CCT8: variants seen among roughly 807,000 people sequenced by gnomAD.
CCT8 encodes the protein T-complex protein 1 subunit theta.
CCT8 carries 10 observed loss-of-function variants against 65.7 expected under a neutral mutation model. The ratio of observed to expected loss-of-function variants is 0.15; its 90% CI spans 0.09 to 0.26. The LOEUF (loss-of-function observed/expected upper bound fraction) is 0.26, where lower values mean the gene tolerates loss of function less well. Ranked by LOEUF, CCT8 falls within the 10% of genes least tolerant of loss-of-function variation. The pLI is 1.00. For synonymous variants in CCT8, 199 were observed against 221.8 expected, an observed-to-expected ratio of 0.90 and a Z score of 0.92; for missense variants, 568 against 669.1, an observed-to-expected ratio of 0.85 and a Z score of 1.67.
chr21:29,073,265 G>A lies in CCT8; in HGVS notation c.60+266C>T, dbSNP rs1236435422. The A allele has an allele frequency of 7.5e-6, 10 of 1,334,888 alleles. No individual in the cohort carries two copies. The South Asian group carries it at 1.4e-4, about 19-fold the overall frequency. 82.7% of individuals were successfully genotyped at this position (1,334,888 alleles called of 1,614,324 possible). A position where few individuals can be genotyped will look rare whatever the true frequency, so the allele number is the denominator to read the frequency against. On this transcript the variant is annotated intron_variant, in intron 1 of 14. Coordinates refer to ENST00000286788, the MANE Select transcript of CCT8 (RefSeq NM_006585.4). ...CGGATGGAGGCAAAACGCACGCGCG[G>A]CTTCACATCCGTCCACCTTCAAGGT... is the stretch of plus-strand genomic sequence containing the variant.
chr21:29,063,103 T>A (rs2085582090), intron 8 of CCT8, among the ~76,000 whole-genome samples: 1 of 152,206 alleles, frequency 6.6e-6, no homozygotes, highest in Non-Finnish European at 1.5e-5. Flanking sequence ...TTGGACAAGT[T>A]GTTCCTTTTG....
chr21:29,059,897 G>A (rs1408788558), intron 14 of CCT8: 1 of 151,958 alleles, frequency 6.6e-6, no homozygotes, highest in Non-Finnish European at 1.5e-5. Context: ...TTACCTAATG[G>A]ATGTATACTG....
At chr21:29,060,433 T>C (rs1300813172) in intron 14 of CCT8, 108 bp downstream of exon 14, 2 of 1,181,328 alleles carry the variant, frequency 1.7e-6, no homozygotes, top group Admixed American at 2.3e-5. Flanking sequence ...AGGTGAGGAC[T>C]AAGAATCCTT....
Position 29,073,472 on chromosome 21 carries a change from C to T in CCT8, c.60+59G>A, listed in dbSNP as rs1020142898. ...CCGTTAGTAGGCCCTCCTACTTCGC[C>T]GCGGCCGCCGCAGCCCTATGCTGAC... On this transcript the variant is annotated intron_variant, in intron 1 of 14. Transcript: ENST00000286788. 2.5e-4 allele frequency: 399 copies of T among 1,612,128 alleles called. 15 individuals carry two copies. The Middle Eastern group carries it at 3.3e-3, about 13-fold the overall frequency.
At chr21:29,057,808 A>G (rs1355081294) in intron 14 of CCT8, among the ~76,000 whole-genome samples, 1 of 149,846 alleles carries the variant, frequency 6.7e-6, no homozygotes, top group African/African-American at 2.4e-5. Flanking sequence ...ATACATATGT[A>G]TGATATATAC....
chr21:29,061,192 C>T, intron 13 of CCT8, 61 bp downstream of exon 13: 1 of 1,279,032 alleles, frequency 7.8e-7, no homozygotes, highest in Non-Finnish European at 1.1e-6. Flanking sequence ...TAAACTCATA[C>T]TATTTTTAGG....
chr21:29,065,156 C>T (rs770260379), intron 6 of CCT8, 51 bp from the exon 7 acceptor site: 40 of 1,579,820 alleles, frequency 2.5e-5, no homozygotes, highest in African/African-American at 2.3e-4. Context: ...AATAACATTA[C>T]GGTCAAACTG....
chr21:29,058,517 A>G (rs2085528930), intron 14 of CCT8, among the ~76,000 whole-genome samples: 2 of 152,214 alleles, frequency 1.3e-5, no homozygotes, highest in Non-Finnish European at 2.9e-5. Context: ...GTGCTCATTA[A>G]AACAGACTGC....
At position 29,061,582 on chromosome 21, in the gene CCT8, C is replaced by A. The variant is rs760655089; in HGVS notation, c.1213-15G>T. ...AGACGTTTATCCTGTATGTAGCGCC[C>A]CCACCAAAAAAAAAATGAACACAAA... On this transcript the variant is annotated splice_polypyrimidine_tract_variant and intron_variant, in intron 11 of 14. Transcript: ENST00000286788. The A allele has an allele frequency of 6.3e-7, 1 of 1,596,050 alleles. No homozygotes were observed.
chr21:29,061,167 C>T, intron 13 of CCT8, 86 bp downstream of exon 13: 1 of 1,068,832 alleles, frequency 9.4e-7, no homozygotes, highest in Non-Finnish European at 1.4e-6. Flanking sequence ...CACTGTTTCT[C>T]ATTGATATTT....
Position 29,073,602 on chromosome 21 carries a change from A to C in CCT8, c.-12T>G, listed in dbSNP as rs771369866. The C allele has an allele frequency of 1.1e-5, 17 of 1,613,930 alleles. No homozygotes were observed. The highest frequency in any genetic ancestry group is 1.4e-5 in the Non-Finnish European group (17 of 1,179,928). On this transcript the variant is annotated 5_prime_UTR_variant, in exon 1 of 15. Transcript: ENST00000286788. ...ACGTGAAGCGCCATGGCCAGCCTGC[A>C]GGAAGCAGTTCACGCGACCGCTCGG...
chr21:29,069,568 C>T (rs2085660341), intron 2 of CCT8, 66 bp from the exon 3 acceptor site: 1 of 892,142 alleles, frequency 1.1e-6, no homozygotes, highest in Non-Finnish European at 1.7e-6. Context: ...CCCAAATACC[C>T]AGGAAAATCT....
intron 8 of CCT8, 51 bp downstream of exon 8, chr21:29,063,301 C>T: frequency 2.7e-6 from 4 of 1,469,344 alleles, no homozygotes; most frequent in Non-Finnish European, 3.8e-6. Flanking sequence ...GTTTTCACCA[C>T]CAAAAAACCA....
intron 6 of CCT8, 141 bp from the exon 7 acceptor site, chr21:29,065,246 G>T: frequency 1.2e-6 from 1 of 804,068 alleles, no homozygotes; most frequent in Non-Finnish European, 2.0e-6. Flanking sequence ...ATAAGGGGTG[G>T]AGTGGTGGAC....
chr21:29,067,873 C>T (rs1373788454), intron 3 of CCT8, among the ~76,000 whole-genome samples, 168 bp from the exon 4 acceptor site: 1 of 152,210 alleles, frequency 6.6e-6, no homozygotes, highest in Non-Finnish European at 1.5e-5. Flanking sequence ...AAGAAAAAAT[C>T]CAAGTCCCTT....
intron 14 of CCT8, among the ~76,000 whole-genome samples, chr21:29,057,734 A>C: frequency 1.2e-5 from 1 of 81,354 alleles, no homozygotes; most frequent in Non-Finnish European, 3.9e-5. Context: ...TATATGTATG[A>C]TATATATATC....
Position 29,060,590 on chromosome 21 carries a change from G to C in CCT8, c.1520C>G (p.Ala507Gly). ...ILDTYLGKYWAIKLATNAAVT... is the reference protein window; with the variant it reads ...ILDTYLGKYWGIKLATNAAVT... ...TGCAGCATTAGTAGCGAGTTTGATA[G>C]CCCAATATTTTCCCAGGTAAGTATC... Residue 507 changes from alanine to glycine, a missense_variant, in exon 14 of 15, where the codon GCT becomes GGT. Physicochemically the swap from Ala to Gly is moderately conservative, Grantham distance 60. Coordinates refer to ENST00000286788, the MANE Select transcript of CCT8 (RefSeq NM_006585.4). The C allele has an allele frequency of 6.2e-7, 1 of 1,613,722 alleles. No homozygotes were observed. The highest frequency in any genetic ancestry group is 8.5e-7 in the Non-Finnish European group (1 of 1,179,680).
chr21:29,063,327 A>T (rs980395818), intron 8 of CCT8, 25 bp downstream of exon 8: 46 of 1,569,632 alleles, frequency 2.9e-5, no homozygotes, highest in Non-Finnish European at 3.9e-5. Context: ...GATATAGGTA[A>T]AAAAAAAAAT....
chr21:29,067,709 G>A lies in CCT8; in HGVS notation c.232-4C>T, dbSNP rs757359590. ...TTTTTGCAGCAGGATGCTGTACCTA[G>A]TAGAAAAGGTAATATCAAGTTAAAC... On this transcript the variant is annotated splice_polypyrimidine_tract_variant and splice_region_variant and intron_variant, in intron 3 of 14. Transcript: ENST00000286788. 5.2e-6 allele frequency: 7 copies of A among 1,348,010 alleles called. No homozygotes were observed. The highest frequency in any genetic ancestry group is 1.5e-5 in the African/African-American group (1 of 66,544). The allele number at this position is 1,348,010 out of a possible 1,614,324, so 83.5% of individuals were successfully genotyped here.
Sources: allele counts gnomAD v4.1 joint callset (sites outside exome capture counted in the v4.1 genomes callset), GRCh38; gene constraint gnomAD v4.1.1; transcripts MANE v1.5; gene names NCBI Gene and HGNC (gene_info 2026-07-23, HGNC 2026-07-21).